The following USP16 variants were observed in gnomAD, a reference collection of about 807,000 sequenced individuals.
USP16 encodes ubiquitin carboxyl-terminal hydrolase 16.
In USP16, 77 loss-of-function variants were observed where a neutral mutation model predicts 95.9. The ratio of observed to expected loss-of-function variants is 0.80; its 90% confidence interval spans 0.67 to 0.97. The LOEUF (loss-of-function observed/expected upper bound fraction) is 0.97. USP16 is among the 50% of genes least tolerant of loss of function. The pLI is 0.00. For synonymous variants in USP16, 303 were observed against 318.2 expected (o/e 0.95, Z 0.51); for missense variants, 943 against 959.9 (o/e 0.98, Z 0.23).
Position 29,030,691 on chromosome 21 carries a change from C to A in USP16, c.158C>A (p.Thr53Asn). 1 of 1,613,908 alleles carries A rather than the reference C, an allele frequency of 6.2e-7. No homozygotes were observed. The highest frequency in any genetic ancestry group is 2.2e-5 in the East Asian group (1 of 44,852). The part of the protein sequence containing the change: ...VEWNICQDCK[T>N]DNKVKDKAEE... ...TGGAATATCTGCCAAGACTGTAAGACTGACAATAAAGTGAAAGATAAAGCT... is the reference window on the plus strand; with the variant it reads ...TGGAATATCTGCCAAGACTGTAAGAATGACAATAAAGTGAAAGATAAAGCT... The change falls in exon 3 of 18, where the codon ACT (threonine) becomes AAT (asparagine). Residue 53 changes from threonine (T) to asparagine (N), a missense_variant. Physicochemically the swap from Thr to Asn is moderately conservative, Grantham distance 65. Transcript: ENST00000399976.
rs888518162 is a variant in USP16, at chr21:29,024,864, C to T, written c.-42+87C>T. The T allele has an allele frequency of 1.5e-5, 18 of 1,199,370 alleles. No homozygotes were observed. The African/African-American group carries it at 2.9e-4, about 19-fold the overall frequency. The allele number at this position is 1,199,370 out of a possible 1,614,324, so 74.3% of individuals were successfully genotyped here. A position where few individuals can be genotyped will look rare whatever the true frequency, so the allele number is the denominator to read the frequency against. On this transcript the variant is annotated intron_variant, in intron 1 of 17. Transcript: ENST00000399976. The stretch of plus-strand genomic sequence containing the variant: ...TCCTGTTTTCCGCCCCAACTTCGTT[C>T]TCTTCTTGAAGGCCGCTCTCCTTAA...
Position 29,053,902 on chromosome 21 carries a change from C to A in USP16, c.2294C>A (p.Ala765Glu). The A allele has an allele frequency of 6.2e-7, 1 of 1,614,218 alleles. No individual in the cohort carries two copies. The highest frequency in any genetic ancestry group is 8.5e-7 in the Non-Finnish European group (1 of 1,180,036). ...GGGCATTACACTGCCTATGCCAAGGCAAGAACCGCAAATAGTCATCTCTCT... is the reference window on the plus strand; with the variant it reads ...GGGCATTACACTGCCTATGCCAAGGAAAGAACCGCAAATAGTCATCTCTCT... ...RSGHYTAYAK[A>E]RTANSHLSNL... The change falls in exon 17 of 18, where the codon GCA becomes GAA. Residue 765 changes from alanine to glutamate, a missense_variant. Ala to Glu is a moderately radical substitution (Grantham distance 107). Transcript: ENST00000399976.
At position 29,046,684 on chromosome 21, in the gene USP16, A is replaced by G. The variant is rs1568896486; in HGVS notation, c.1374A>G (p.Gln458=). 1 of 1,604,576 alleles carries G rather than the reference A, an allele frequency of 6.2e-7. No homozygotes were observed. Among genetic ancestry groups the G allele is most frequent in the Non-Finnish European group, 8.5e-7 (1 of 1,176,250 alleles). ...TTACCCAGAACCAACGAAGACAACA[A>G]AAAATTCAAGGAAAAGTTCTTCATT... The part of the protein sequence containing the change: ...KKQAKNQRRQ[Q]KIQGKVLHLN... The change falls in exon 14 of 18, where the codon CAA becomes CAG. Residue 458 remains glutamine, a synonymous_variant. Transcript: ENST00000399976.
chr21:29,041,735 T>G (rs1245779103), intron 10 of USP16, among the ~76,000 whole-genome samples: 1 of 152,188 alleles, frequency 6.6e-6, no homozygotes, highest in Non-Finnish European at 1.5e-5. Flanking sequence ...TCTCACTGAC[T>G]TGCACAGTTT....
At chr21:29,043,360 T>G in intron 12 of USP16, 63 bp from the exon 13 acceptor site, 1 of 1,172,996 alleles carries the variant, frequency 8.5e-7, no homozygotes, top group Non-Finnish European at 1.1e-6. Context: ...ATAGTGTGGA[T>G]TTTTTTTCAC....
intron 14 of USP16, 46 bp downstream of exon 14, chr21:29,047,367 C>A: frequency 6.4e-7 from 1 of 1,555,198 alleles, no homozygotes. Context: ...TTCAGGGGCA[C>A]ATTTTGCACT....
At chr21:29,050,028 C>T (rs2085389897) in intron 15 of USP16, 64 bp from the exon 16 acceptor site, 49 of 1,452,516 alleles carry the variant, frequency 3.4e-5, no homozygotes, top group Non-Finnish European at 3.9e-5. Flanking sequence ...GAGGGGACTT[C>T]GGTTTACTTA....
chr21:29,040,467 A>G, intron 9 of USP16, 142 bp from the exon 10 acceptor site: 1 of 309,150 alleles, frequency 3.2e-6, no homozygotes. Context: ...TCCTTGAATT[A>G]AGTTTGAAAA....
intron 13 of USP16, among the ~76,000 whole-genome samples, chr21:29,045,545 T>A (rs1172447263): frequency 2.0e-5 from 3 of 152,146 alleles, no homozygotes; most frequent in Non-Finnish European, 4.4e-5. Context: ...TTGTGCATCC[T>A]TGAGTTTTCT....
Position 29,046,914 on chromosome 21 carries a change from T to C in USP16, c.1604T>C (p.Val535Ala). The C allele has an allele frequency of 6.2e-7, 1 of 1,614,136 alleles. No individual in the cohort carries two copies. Among genetic ancestry groups the C allele is most frequent in the Non-Finnish European group, 8.5e-7 (1 of 1,180,016 alleles). ...GACAATCAAAAATCCACAGAGGAAG[T>C]AGATATGAAAAATATCAACATGGAT... The part of the protein sequence containing the change: ...VTDNQKSTEE[V>A]DMKNINMDND... The change falls in exon 14 of 18, where the codon GTA (valine) becomes GCA (alanine). Residue 535 changes from valine (V) to alanine (A), a missense_variant. Transcript: ENST00000399976.
At chr21:29,030,000 T>C (rs1182987969) in intron 2 of USP16, among the ~76,000 whole-genome samples, 5 of 152,184 alleles carry the variant, frequency 3.3e-5, no homozygotes, top group East Asian at 1.9e-4. Flanking sequence ...CAGCAATTTT[T>C]ATTACTATTA....
intron 13 of USP16, among the ~76,000 whole-genome samples, 180 bp from the exon 14 acceptor site, chr21:29,046,487 A>T (rs1268445662): frequency 6.6e-6 from 1 of 152,108 alleles, no homozygotes; most frequent in Non-Finnish European, 1.5e-5. Flanking sequence ...TAGCAAAGGA[A>T]CTTTTTAGGA....
At chr21:29,037,553 AT>A in intron 6 of USP16, 90 bp downstream of exon 6, 1 of 852,432 alleles carries the variant, frequency 1.2e-6, no homozygotes, top group Non-Finnish European at 1.6e-6. Context: ...CACCTGAGTA[AT>A]TTATTTCTAT....
chr21:29,043,235 C>G (rs927748877), intron 12 of USP16, 188 bp from the exon 13 acceptor site: 4 of 369,152 alleles, frequency 1.1e-5, no homozygotes, highest in African/African-American at 8.4e-5. Flanking sequence ...TGCTTGTTTT[C>G]TCATTATGTG....
intron 10 of USP16, 105 bp from the exon 11 acceptor site, chr21:29,041,908 T>G: frequency 3.2e-6 from 3 of 938,194 alleles, no homozygotes; most frequent in Non-Finnish European, 4.8e-6. Flanking sequence ...GACAGGAAAT[T>G]TAAAATAAAA....
intron 17 of USP16, 46 bp downstream of exon 17, chr21:29,054,004 A>C: frequency 6.2e-7 from 1 of 1,613,084 alleles, no homozygotes; most frequent in Non-Finnish European, 8.5e-7. Flanking sequence ...TTACGGCAAA[A>C]CCAAAAAGTA....
At chr21:29,026,339 C>T (rs1016967169) in intron 1 of USP16, among the ~76,000 whole-genome samples, 1 of 151,608 alleles carries the variant, frequency 6.6e-6, no homozygotes, top group African/African-American at 2.4e-5. Context: ...GTCTGTAATC[C>T]CAGCTATTCG....
chr21:29,034,645 C>G (rs1382402091), intron 3 of USP16, among the ~76,000 whole-genome samples, 192 bp from the exon 4 acceptor site: 6 of 152,152 alleles, frequency 3.9e-5, no homozygotes, highest in Admixed American at 3.9e-4. Context: ...TACTTGTTGA[C>G]TTAAATGTTC....
chr21:29,054,454 A>T lies in USP16; in HGVS notation c.*267A>T, dbSNP rs2085464292. 4 of 376,484 alleles carry T rather than the reference A, an allele frequency of 1.1e-5. No homozygotes were observed. Among genetic ancestry groups the T allele is most frequent in the Non-Finnish European group, 1.9e-5 (4 of 209,478 alleles). 23.3% of individuals were successfully genotyped at this position (376,484 alleles called of 1,614,324 possible). A position where few individuals can be genotyped will look rare whatever the true frequency, so the allele number is the denominator to read the frequency against. Reference sequence around the variant, plus strand: ...TGTGTTTAATATATCTGGGTGATGGATCACAACACATCAATAAACTGACTT... The same window carrying T: ...TGTGTTTAATATATCTGGGTGATGGTTCACAACACATCAATAAACTGACTT... On this transcript the variant is annotated 3_prime_UTR_variant, in exon 18 of 18. Coordinates refer to ENST00000399976, the MANE Select transcript of USP16 (RefSeq NM_006447.3).
Sources: gnomAD v4.1 joint callset for allele counts (sites outside exome capture counted in the v4.1 genomes callset) on GRCh38, gnomAD v4.1.1 for gene constraint, MANE v1.5 for transcripts, NCBI Gene and HGNC (gene_info 2026-07-23, HGNC 2026-07-21) for gene names.